The following TSC22D1 variants were observed in gnomAD, a reference collection of about 807,000 sequenced individuals.
TSC22D1 encodes the protein TSC22 domain family protein 1.
In TSC22D1, 9 loss-of-function variants were observed where a neutral mutation model predicts 74.2. The ratio of observed to expected loss-of-function variants is 0.12; its 90% CI spans 0.07 to 0.21. TSC22D1 has a LOEUF of 0.21. Among genes scored for constraint, TSC22D1 ranks in the 10% least tolerant of loss-of-function variants. The pLI is 1.00. For missense variants in TSC22D1, 1,427 were observed against 1,304.7 expected (o/e 1.09, Z -1.44); for synonymous variants, 586 against 492.5 (o/e 1.19, Z -2.51).
At chr13:44,566,185 C>T (rs995565387) in intron 1 of TSC22D1, among the ~76,000 whole-genome samples, 1 of 151,966 alleles carries the variant, frequency 6.6e-6, no homozygotes, top group African/African-American at 2.4e-5. Context: ...TTAAAAATTC[C>T]TTATGGGCAC....
At chr13:44,492,939 C>T (rs1054569670) in intron 1 of TSC22D1, among the ~76,000 whole-genome samples, 38 of 152,068 alleles carry the variant, frequency 2.5e-4, no homozygotes, top group Admixed American at 2.5e-3. Flanking sequence ...TTGGCATCTG[C>T]TAACTCAAAT....
rs533779649 is a variant in TSC22D1 at position 44,436,324 on chromosome 13, G to A, written c.2913-229C>T. 197 of 959,098 alleles carry A rather than the reference G, an allele frequency of 2.1e-4. No individual in the cohort carries two copies. The African/African-American group carries it at 2.9e-3, about 14-fold the overall frequency. 59.4% of individuals were successfully genotyped at this position (959,098 alleles called of 1,614,324 possible). On this transcript the variant is annotated intron_variant, in intron 1 of 2. Transcript: ENST00000458659. ...AAAGGACTAAATTACATAATGTGGG[G>A]AAAGCCTGTTCTCTGGCCAGACTTG... is the stretch of plus-strand genomic sequence containing the variant.
intron 1 of TSC22D1, among the ~76,000 whole-genome samples, chr13:44,511,135 T>C (rs1288878575): frequency 6.6e-6 from 1 of 151,824 alleles, no homozygotes; most frequent in Non-Finnish European, 1.5e-5. Flanking sequence ...TACAAAATAT[T>C]AGCCGGGCAT....
At chr13:44,445,238 C>G (rs1286417330) in intron 1 of TSC22D1, among the ~76,000 whole-genome samples, 1 of 84,748 alleles carries the variant, frequency 1.2e-5, no homozygotes, top group Non-Finnish European at 2.6e-5. Flanking sequence ...CACACACACA[C>G]ACACACACAC....
intron 1 of TSC22D1, among the ~76,000 whole-genome samples, chr13:44,566,063 T>G (rs1883352931): frequency 6.6e-6 from 1 of 151,062 alleles, no homozygotes; most frequent in African/African-American, 2.5e-5. Flanking sequence ...CTTTACCCAC[T>G]TTTTTCTCAC....
intron 1 of TSC22D1, among the ~76,000 whole-genome samples, chr13:44,562,547 G>A (rs1269211531): frequency 2.0e-5 from 3 of 152,040 alleles, no homozygotes; most frequent in Non-Finnish European, 2.9e-5. Flanking sequence ...AATTTAAGAT[G>A]TACACCACTT....
intron 1 of TSC22D1, among the ~76,000 whole-genome samples, chr13:44,461,436 A>G (rs138685369): frequency 5.1e-4 from 77 of 152,324 alleles, no homozygotes; most frequent in African/African-American, 1.7e-3. Flanking sequence ...TCTTAGGTAT[A>G]TGGCAGGTAC....
intron 1 of TSC22D1, among the ~76,000 whole-genome samples, chr13:44,494,241 T>A (rs540013931): frequency 2.2e-4 from 34 of 151,540 alleles, no homozygotes; most frequent in Non-Finnish European, 2.9e-5. Context: ...CCAGGCGTAG[T>A]GGTGTGCACG....
chr13:44,461,737 A>C (rs1187834228), intron 1 of TSC22D1, among the ~76,000 whole-genome samples: 1 of 152,294 alleles, frequency 6.6e-6, no homozygotes, highest in Non-Finnish European at 1.5e-5. Flanking sequence ...CTAATCCCCC[A>C]AAACACTGAA....
intron 2 of TSC22D1, 37 bp from the exon 3 acceptor site, chr13:44,434,920 G>A (rs759603438): frequency 5.2e-6 from 8 of 1,536,678 alleles, no homozygotes; most frequent in Admixed American, 1.9e-5. Flanking sequence ...CTCATTATTT[G>A]GTATTTTCTG....
At chr13:44,448,938 T>A (rs2138900837) in intron 1 of TSC22D1, among the ~76,000 whole-genome samples, 1 of 151,812 alleles carries the variant, frequency 6.6e-6, no homozygotes, top group African/African-American at 2.4e-5. Context: ...CCTGGAAGAA[T>A]AAAGGGACCA....
chr13:44,555,511 CG>C (rs1276337406), intron 1 of TSC22D1, among the ~76,000 whole-genome samples: 1 of 152,040 alleles, frequency 6.6e-6, no homozygotes, highest in Non-Finnish European at 1.5e-5. Context: ...GAGGCTGAGG[CG>C]GGAGAACCAC....
intron 1 of TSC22D1, among the ~76,000 whole-genome samples, chr13:44,559,693 CTTT>C (rs36114777): frequency 1.4e-5 from 2 of 140,204 alleles, no homozygotes; most frequent in African/African-American, 2.6e-5. Flanking sequence ...CCAAAAATTT[CTTT>C]TTTTTTTTTT....
chr13:44,508,866 C>T (rs1229478160), intron 1 of TSC22D1, among the ~76,000 whole-genome samples: 4 of 152,130 alleles, frequency 2.6e-5, no homozygotes, highest in Non-Finnish European at 4.4e-5. Context: ...TACACACAGT[C>T]AGACACAGCC....
intron 1 of TSC22D1, among the ~76,000 whole-genome samples, chr13:44,480,655 T>C (rs2137931000): frequency 6.6e-6 from 1 of 152,232 alleles, no homozygotes; most frequent in South Asian, 2.1e-4. Flanking sequence ...AATAAGAGGC[T>C]GTTTGGAGGA....
chr13:44,475,394 T>A (rs1877850632), intron 1 of TSC22D1, among the ~76,000 whole-genome samples: 2 of 150,888 alleles, frequency 1.3e-5, no homozygotes, highest in South Asian at 4.2e-4. Context: ...GCCTAAAGAT[T>A]ATTGGGATAA....
chr13:44,509,795 C>T (rs1408696338), intron 1 of TSC22D1, among the ~76,000 whole-genome samples: 1 of 151,528 alleles, frequency 6.6e-6, no homozygotes, highest in African/African-American at 2.4e-5. Context: ...CCTTCTAAAT[C>T]TATTAAATTG....
chr13:44,555,646 G>A (rs930845909), intron 1 of TSC22D1, among the ~76,000 whole-genome samples: 5 of 151,528 alleles, frequency 3.3e-5, no homozygotes, highest in South Asian at 4.2e-4. Flanking sequence ...AATATGTACA[G>A]CCATCCTTGT....
At chr13:44,442,584 A>C (rs1055557732) in intron 1 of TSC22D1, among the ~76,000 whole-genome samples, 1 of 152,200 alleles carries the variant, frequency 6.6e-6, no homozygotes, top group Non-Finnish European at 1.5e-5. Flanking sequence ...TGAGCAATAG[A>C]AACTATCCAA....
Sources: allele counts gnomAD v4.1 joint callset (sites outside exome capture counted in the v4.1 genomes callset), GRCh38; gene constraint gnomAD v4.1.1; transcripts MANE v1.5; gene names NCBI Gene and HGNC (gene_info 2026-07-23, HGNC 2026-07-21).